The following MICAL2 variants were observed in gnomAD, a reference collection of about 807,000 sequenced individuals.
MICAL2 encodes the protein [F-actin]-monooxygenase MICAL2.
MICAL2 carries 77 observed loss-of-function variants against 127.3 expected under a neutral mutation model. The ratio of observed to expected loss-of-function variants is 0.60; its 90% CI spans 0.50 to 0.73. The LOEUF (loss-of-function observed/expected upper bound fraction) is 0.73, where lower values mean the gene tolerates loss of function less well. Ranked by LOEUF, MICAL2 falls within the 30% of genes least tolerant of loss-of-function variation. The pLI is 0.00. For synonymous variants in MICAL2, 570 were observed against 551.1 expected, an observed-to-expected ratio of 1.03 and a Z score of -0.48; for missense variants, 1,351 against 1,434.4, an observed-to-expected ratio of 0.94 and a Z score of 0.94.
Position 12,241,140 on chromosome 11 carries a change from C to T in MICAL2, c.2315C>T (p.Pro772Leu). 6.2e-7 allele frequency: 1 copy of T among 1,614,048 alleles called. No individual in the cohort carries two copies. Among genetic ancestry groups the T allele is most frequent in the Non-Finnish European group, 8.5e-7 (1 of 1,179,968 alleles). The change falls in exon 18 of 28, where the codon CCA becomes CTA. Residue 772 changes from proline (P) to leucine (L), a missense_variant. This residue lies in a region of MICAL2 where 752 missense variants were observed against 719.4 expected (regional missense o/e 1.05). Transcript: ENST00000683283. ...AAGCCGGAGGAGGCCACACCCAGCCCATCACCTCCTCTGAAAAGGCAGGTA... is the reference window on the plus strand; with the variant it reads ...AAGCCGGAGGAGGCCACACCCAGCCTATCACCTCCTCTGAAAAGGCAGGTA... ...CPKPEEATPS[P>L]SPPLKRQFPS...
At chr11:12,275,685 A>G (rs1044097719), upstream of MICAL2, among the ~76,000 whole-genome samples, 2 of 152,226 alleles carry the variant, frequency 1.3e-5, no homozygotes, top group African/African-American at 4.8e-5. Context: ...TGCCGTCTTG[A>G]CAGCAGCAGT....
chr11:12,327,398 G>C (rs2134853319), intron 32 of MICAL2: 1 of 714,866 alleles, frequency 1.4e-6, no homozygotes, highest in Non-Finnish European at 2.3e-6. Context: ...AAATCCACAA[G>C]TGCCGCACAC....
chr11:12,249,059 T>A, intron 21 of MICAL2, 125 bp from the exon 22 acceptor site: 1 of 1,194,128 alleles, frequency 8.4e-7, no homozygotes, highest in Non-Finnish European at 1.2e-6. Flanking sequence ...ACTGGAATAC[T>A]GCAATGTCCT....
chr11:12,204,615 C>A (rs1854435509), intron 4 of MICAL2, among the ~76,000 whole-genome samples, 158 bp downstream of exon 4: 2 of 152,176 alleles, frequency 1.3e-5, no homozygotes, highest in Admixed American at 6.5e-5. Context: ...CTGCTTTGTG[C>A]CTTGTTCTGG....
intron 2 of MICAL2, among the ~76,000 whole-genome samples, chr11:12,142,730 T>A (rs149421856): frequency 2.6e-5 from 4 of 152,360 alleles, no homozygotes; most frequent in Non-Finnish European, 5.9e-5. Context: ...AGCAGCTCTC[T>A]GAGAGATAGG....
downstream of MICAL2, chr11:12,294,032 A>G: frequency 1.2e-6 from 2 of 1,614,152 alleles, no homozygotes; most frequent in African/African-American, 1.3e-5. Flanking sequence ...CATCCCTGAG[A>G]GTGTGCACCT....
intron 2 of MICAL2, among the ~76,000 whole-genome samples, chr11:12,151,063 C>G (rs1381739574): frequency 7.2e-5 from 11 of 152,088 alleles, no homozygotes; most frequent in Non-Finnish European, 2.9e-5. Flanking sequence ...GACTCAGAAG[C>G]CCATGTTCTT....
chr11:12,228,528 G>A (rs371224951), intron 15 of MICAL2, among the ~76,000 whole-genome samples: 20 of 152,332 alleles, frequency 1.3e-4, no homozygotes, highest in African/African-American at 4.8e-4. Context: ...AGTCCAGTTA[G>A]GAAGATAGAT....
chr11:12,222,530 C>T, intron 10 of MICAL2, 87 bp from the exon 11 acceptor site: 2 of 1,558,152 alleles, frequency 1.3e-6, no homozygotes, highest in South Asian at 1.1e-5. Context: ...GCCCTTGAGC[C>T]AGAGGAAGGG....
At chr11:12,231,297 C>T (rs1858225021) in intron 15 of MICAL2, among the ~76,000 whole-genome samples, 1 of 152,268 alleles carries the variant, frequency 6.6e-6, no homozygotes, top group Non-Finnish European at 1.5e-5. Flanking sequence ...GAGAGCTCAT[C>T]CCAGAAGCCA....
intron 32 of MICAL2, chr11:12,327,285 T>C (rs1392924824): frequency 1.3e-6 from 2 of 1,543,432 alleles, no homozygotes; most frequent in Non-Finnish European, 1.8e-6. Flanking sequence ...TCCCAGCAGA[T>C]CCGGAGCAGT....
chr11:12,221,601 A>T (rs1856826261), intron 9 of MICAL2, 43 bp from the exon 10 acceptor site: 2 of 1,356,426 alleles, frequency 1.5e-6, no homozygotes, highest in Middle Eastern at 1.8e-4. Flanking sequence ...ATAGATCGGG[A>T]GTCATCAGAA....
At chr11:12,313,318 T>A (rs1864196113) in intron 29 of MICAL2, among the ~76,000 whole-genome samples, 1 of 152,238 alleles carries the variant, frequency 6.6e-6, no homozygotes, top group South Asian at 2.1e-4. Flanking sequence ...GTTCTGGTTG[T>A]TATGACCTGC....
Position 12,162,227 on chromosome 11 carries a change from G to A in MICAL2, c.72G>A (p.Thr24=), listed in dbSNP as rs770763245. ...TTGAGAACTTTGTCCAGGCATCCAC[G>A]TGCAAAGGTACCCTCCAGGCCTTCA... ...QVFENFVQAS[T]CKGTLQAFNI... is the part of the protein sequence containing the mutation. The change falls in exon 3 of 28, where the codon ACG becomes ACA. Residue 24 remains threonine, a synonymous_variant. Transcript: ENST00000683283. The A allele has an allele frequency of 1.1e-5, 17 of 1,614,046 alleles. No homozygotes were observed. Among genetic ancestry groups the A allele is most frequent in the East Asian group, 8.9e-5 (4 of 44,884 alleles).
chr11:12,172,951 C>T (rs917080282), intron 3 of MICAL2, among the ~76,000 whole-genome samples: 1 of 151,826 alleles, frequency 6.6e-6, no homozygotes, highest in South Asian at 2.1e-4. Flanking sequence ...ACATATATCC[C>T]GATACAAATA....
rs951800114 is a variant in MICAL2, at chr11:12,162,155, C to T, written c.-1C>T. ...CCACTGCCGCACACGACTCCTGAAC[C>T]ATGGGGGAAAACGAGGATGAGAAGC... On this transcript the variant is annotated 5_prime_UTR_variant, in exon 3 of 28. Coordinates refer to ENST00000683283, the MANE Select transcript of MICAL2 (RefSeq NM_001282663.2). 2 of 1,614,156 alleles carry T rather than the reference C, an allele frequency of 1.2e-6. No homozygotes were observed. The highest frequency in any genetic ancestry group is 2.7e-5 in the African/African-American group (2 of 75,044).
At chr11:12,349,726 G>A (rs1489541554) in intron 32 of MICAL2, 16 of 954,746 alleles carry the variant, frequency 1.7e-5, no homozygotes, top group Non-Finnish European at 2.3e-5. Flanking sequence ...GGGAGCTGCT[G>A]CCTGCAGAGC....
chr11:12,165,627 G>T (rs1162790459), intron 3 of MICAL2, among the ~76,000 whole-genome samples: 1 of 152,204 alleles, frequency 6.6e-6, no homozygotes, highest in East Asian at 1.9e-4. Context: ...ACCTGGAGTG[G>T]GTCTGGGCTT....
At chr11:12,158,005 A>G (rs1194410528) in intron 2 of MICAL2, among the ~76,000 whole-genome samples, 1 of 152,188 alleles carries the variant, frequency 6.6e-6, no homozygotes, top group Non-Finnish European at 1.5e-5. Context: ...TTCTAAATGG[A>G]AGGCCCTTGT....
Sources: allele counts gnomAD v4.1 joint callset (sites outside exome capture counted in the v4.1 genomes callset), GRCh38; gene constraint gnomAD v4.1.1; regional missense constraint gnomAD v4.1.1; transcripts MANE v1.5; gene names NCBI Gene and HGNC (gene_info 2026-07-23, HGNC 2026-07-21).